The following PTPN9 variants were observed in gnomAD, a reference collection of about 807,000 sequenced individuals.
The protein encoded by PTPN9 is protein tyrosine phosphatase non-receptor type 9.
A neutral mutation model predicts 69.8 loss-of-function variants in PTPN9; 26 were observed. The observed-to-expected ratio is 0.37, with a 90% CI of 0.27 to 0.52. The LOEUF (loss-of-function observed/expected upper bound fraction) is 0.52, where lower values mean the gene tolerates loss of function less well. Among genes scored for constraint, PTPN9 ranks in the 20% least tolerant of loss-of-function variants. The probability of loss-of-function intolerance (pLI) is 0.91; values close to 1 mark genes in which losing one functional copy is unlikely to be tolerated. For synonymous variants in PTPN9, 274 were observed against 272.5 expected (o/e 1.01, Z -0.05); for missense variants, 549 against 740.3 (o/e 0.74, Z 3.00).
At chr15:75,502,276 G>C (rs781317496) in intron 7 of PTPN9, among the ~76,000 whole-genome samples, 2 of 151,958 alleles carry the variant, frequency 1.3e-5, no homozygotes, top group Non-Finnish European at 2.9e-5. Flanking sequence ...GTGAAACCCT[G>C]TCTCTACTAA....
intron 8 of PTPN9, among the ~76,000 whole-genome samples, chr15:75,486,345 G>A (rs2074677239): frequency 1.3e-5 from 2 of 152,082 alleles, no homozygotes; most frequent in South Asian, 4.2e-4. Flanking sequence ...TCTCACAAAT[G>A]GGATTAGTGC....
At chr15:75,578,436 T>C (rs984567478) in intron 1 of PTPN9, among the ~76,000 whole-genome samples, 1 of 152,070 alleles carries the variant, frequency 6.6e-6, no homozygotes, top group African/African-American at 2.4e-5. Flanking sequence ...CCAAGGAACT[T>C]TGCCCCTGGA....
In PTPN9 at chr15:75,468,361, A is replaced by C. The variant is rs2074546260; in HGVS notation, c.*408T>G. 1 of 176,636 alleles carries C rather than the reference A, an allele frequency of 5.7e-6. No homozygotes were observed. The highest frequency in any genetic ancestry group is 2.3e-5 in the African/African-American group (1 of 42,608). 10.9% of individuals were successfully genotyped at this position (176,636 alleles called of 1,614,324 possible). A position where few individuals can be genotyped will look rare whatever the true frequency, so the allele number is the denominator to read the frequency against. On this transcript the variant is annotated 3_prime_UTR_variant, in exon 13 of 13. Coordinates refer to ENST00000618819, the MANE Select transcript of PTPN9 (RefSeq NM_002833.4). ...AACTTGGTCAAGCTCTCTGGGGAGA[A>C]AGGCAAATGCTCATCAAACCTCCCC...
chr15:75,531,634 G>A (rs2074964609), intron 1 of PTPN9, among the ~76,000 whole-genome samples: 1 of 150,912 alleles, frequency 6.6e-6, no homozygotes, highest in Non-Finnish European at 1.5e-5. Flanking sequence ...CCAGGCTGGA[G>A]TACAGTGGCG....
rs117715507 is a variant in PTPN9, at chr15:75,519,827, C to T, written c.423-2463G>A. On this transcript the variant is annotated intron_variant, in intron 4 of 12. Transcript: ENST00000618819. ...CTATGATCCACAAAGGTCCAAGATG[C>T]TGTTAAAATGTGTGGCACAGGACAG... Among the ~76,000 whole-genome samples, 268 of 151,886 alleles carry T rather than the reference C, an allele frequency of 1.8e-3. 6 individuals carry two copies. In the East Asian group the frequency reaches 0.048, roughly 27 times the overall value.
chr15:75,508,039 CAAAAAAAAAAAA>C (rs990909256), intron 6 of PTPN9, among the ~76,000 whole-genome samples: 4 of 37,380 alleles, frequency 1.1e-4, no homozygotes, highest in East Asian at 1.7e-3. Flanking sequence ...GAGACACTCT[CAAAAAAAAAAAA>C]AAAAAAAAAA....
chr15:75,472,443 CAGTG>C (rs1015227727), intron 10 of PTPN9, among the ~76,000 whole-genome samples: 14 of 149,420 alleles, frequency 9.4e-5, no homozygotes, highest in Admixed American at 2.7e-4. Flanking sequence ...GCCTGGGCGA[CAGTG>C]AGACTCCGTC....
chr15:75,559,890 G>A (rs964197728), intron 1 of PTPN9, among the ~76,000 whole-genome samples: 13 of 151,712 alleles, frequency 8.6e-5, no homozygotes, highest in African/African-American at 1.7e-4. Context: ...TTGTAATCCC[G>A]GCACTTTGGG....
At chr15:75,537,161 G>C (rs2074985715) in intron 1 of PTPN9, among the ~76,000 whole-genome samples, 2 of 151,162 alleles carry the variant, frequency 1.3e-5, no homozygotes. Context: ...AGACCAGCCT[G>C]ACCAATATGG....
chr15:75,572,642 A>G (rs957713536), intron 1 of PTPN9, among the ~76,000 whole-genome samples: 6 of 151,974 alleles, frequency 3.9e-5, no homozygotes, highest in Non-Finnish European at 7.4e-5. Context: ...TTGAACCCAG[A>G]AGGCGGAGGT....
intron 1 of PTPN9, among the ~76,000 whole-genome samples, chr15:75,540,244 A>G (rs576612356): frequency 3.3e-4 from 50 of 152,176 alleles, no homozygotes; most frequent in Non-Finnish European, 6.3e-4. Flanking sequence ...ACTAAGTTTG[A>G]GTGCACTGTA....
At chr15:75,488,417 G>C (rs1302039436) in intron 8 of PTPN9, among the ~76,000 whole-genome samples, 2 of 150,530 alleles carry the variant, frequency 1.3e-5, no homozygotes, top group African/African-American at 2.4e-5. Context: ...TGGTATATCA[G>C]AAGGGAAAAA....
At chr15:75,519,058 T>C (rs2074887764) in intron 4 of PTPN9, among the ~76,000 whole-genome samples, 2 of 152,168 alleles carry the variant, frequency 1.3e-5, no homozygotes, top group African/African-American at 2.4e-5. Flanking sequence ...CTATTTAGAA[T>C]TGAGAAAATG....
At chr15:75,557,512 C>A (rs185861040) in intron 1 of PTPN9, among the ~76,000 whole-genome samples, 1 of 151,892 alleles carries the variant, frequency 6.6e-6, no homozygotes, top group Non-Finnish European at 1.5e-5. Context: ...TGTTTCAATT[C>A]TTTTATATAC....
At chr15:75,480,749 A>C in intron 8 of PTPN9, 1 of 1,259,624 alleles carries the variant, frequency 7.9e-7, no homozygotes, top group Non-Finnish European at 1.0e-6. Context: ...GAGCTGTCTC[A>C]GTCTTTGCCG....
chr15:75,572,108 G>C (rs1290319211), intron 1 of PTPN9, among the ~76,000 whole-genome samples: 1 of 151,928 alleles, frequency 6.6e-6, no homozygotes, highest in Admixed American at 6.6e-5. Context: ...GAGGCACGTG[G>C]ATTACCTAAG....
chr15:75,509,027 C>G lies in PTPN9; in HGVS notation c.529G>C (p.Gly177Arg). The G allele has an allele frequency of 6.2e-7, 1 of 1,612,902 alleles. No homozygotes were observed. The highest frequency in any genetic ancestry group is 8.5e-7 in the Non-Finnish European group (1 of 1,179,118). The change falls in exon 6 of 13, where the codon GGA (glycine) becomes CGA (arginine). Residue 177 changes from glycine (G) to arginine (R), a missense_variant and splice_region_variant. Around this residue, in one of 3 missense-constraint regions of PTPN9, gnomAD observed 457 missense variants for 661.9 expected, o/e 0.69. Coordinates refer to ENST00000618819, the MANE Select transcript of PTPN9 (RefSeq NM_002833.4). ...LGKKVLNLLK[G>R]AFPARLKKVL... ...TTCTTCAAACGAGCTGGAAATGCTC[C>G]CTGTGGAGAAAACACATGAGGATTT...
chr15:75,526,955 C>T (rs913339375), intron 2 of PTPN9, among the ~76,000 whole-genome samples, 163 bp downstream of exon 2: 3 of 152,206 alleles, frequency 2.0e-5, no homozygotes, highest in African/African-American at 7.2e-5. Flanking sequence ...CAGTAGCTGC[C>T]TTGCCCAGCT....
chr15:75,516,374 G>C (rs1047104357), intron 5 of PTPN9, among the ~76,000 whole-genome samples: 1 of 150,154 alleles, frequency 6.7e-6, no homozygotes, highest in Non-Finnish European at 1.5e-5. Flanking sequence ...CACGATCTTG[G>C]CTCACTGCAA....
Sources: allele counts gnomAD v4.1 joint callset (sites outside exome capture counted in the v4.1 genomes callset), GRCh38; gene constraint gnomAD v4.1.1; regional missense constraint gnomAD v4.1.1; transcripts MANE v1.5; gene names NCBI Gene and HGNC (gene_info 2026-07-23, HGNC 2026-07-21).